CHD9: variants seen among roughly 807,000 people sequenced by gnomAD.
The protein encoded by CHD9 is chromodomain helicase DNA binding protein 9, also known as ATP-dependent chromatin remodeler CHD9.
Under a neutral mutation model 316.1 loss-of-function variants are expected in CHD9, and 77 were observed. The observed-to-expected ratio is 0.24, with a 90% CI of 0.20 to 0.29. CHD9 has a LOEUF of 0.29. Ranked by LOEUF, CHD9 falls within the 10% of genes least tolerant of loss-of-function variation. CHD9 has a pLI of 1.00. For missense variants in CHD9, 2,763 were observed against 3,438.1 expected, an observed-to-expected ratio of 0.80 and a Z score of 4.91; for synonymous variants, 1,129 against 1,158.3, an observed-to-expected ratio of 0.97 and a Z score of 0.51.
intron 1 of CHD9, among the ~76,000 whole-genome samples, chr16:53,105,931 T>C (rs1165821780): frequency 1.3e-5 from 2 of 151,836 alleles, no homozygotes; most frequent in Non-Finnish European, 2.9e-5. Flanking sequence ...CAAGCAATTC[T>C]CCTGCCTTTG....
chr16:53,217,109 A>G (rs1469028269), intron 3 of CHD9, among the ~76,000 whole-genome samples: 1 of 151,940 alleles, frequency 6.6e-6, no homozygotes, highest in Admixed American at 6.6e-5. Flanking sequence ...TTTTGTTGTC[A>G]TATCTCCTTA....
At chr16:53,078,105 T>C (rs575394959) in intron 1 of CHD9, among the ~76,000 whole-genome samples, 4 of 152,122 alleles carry the variant, frequency 2.6e-5, no homozygotes, top group South Asian at 2.1e-4. Context: ...AATATATATA[T>C]ACAATGCATT....
intron 1 of CHD9, among the ~76,000 whole-genome samples, chr16:53,125,079 T>C (rs2038911635): frequency 6.6e-6 from 1 of 152,190 alleles, no homozygotes; most frequent in Admixed American, 6.5e-5. Flanking sequence ...TGAAGAAATG[T>C]CTACTCAGAT....
intron 3 of CHD9, among the ~76,000 whole-genome samples, chr16:53,222,107 C>T (rs1004779493): frequency 1.3e-5 from 2 of 151,664 alleles, no homozygotes; most frequent in East Asian, 3.9e-4. Flanking sequence ...GATGGAGTTT[C>T]GCTCTTGTTG....
intron 1 of CHD9, among the ~76,000 whole-genome samples, chr16:53,086,849 A>C (rs1376803250): frequency 6.6e-6 from 1 of 152,154 alleles, no homozygotes; most frequent in Non-Finnish European, 1.5e-5. Context: ...GTTATTTTGA[A>C]GCAAATCCCA....
chr16:53,204,092 T>G, intron 2 of CHD9, among the ~76,000 whole-genome samples: 1 of 144,248 alleles, frequency 6.9e-6, no homozygotes, highest in Admixed American at 6.8e-5. Flanking sequence ...CACACATTTA[T>G]GTCAAGTAGA....
At chr16:53,098,475 CAAAA>C (rs35249810) in intron 1 of CHD9, among the ~76,000 whole-genome samples, 6 of 105,682 alleles carry the variant, frequency 5.7e-5, no homozygotes, top group East Asian at 3.0e-4. Flanking sequence ...GACTCCGTCT[CAAAA>C]AAAAAAAAAA....
intron 1 of CHD9, among the ~76,000 whole-genome samples, chr16:53,086,806 A>G (rs924461743): frequency 2.0e-5 from 3 of 152,184 alleles, no homozygotes; most frequent in Non-Finnish European, 2.9e-5. Context: ...ATTTTATTGT[A>G]TCTATATCTC....
intron 1 of CHD9, among the ~76,000 whole-genome samples, chr16:53,126,397 T>C (rs1185998277): frequency 1.3e-5 from 2 of 152,228 alleles, no homozygotes; most frequent in East Asian, 3.9e-4. Context: ...TTCTATAGTT[T>C]ATTCCATTAA....
intron 7 of CHD9, 39 bp from the exon 8 acceptor site, chr16:53,228,944 C>A: frequency 1.1e-6 from 1 of 906,308 alleles, no homozygotes; most frequent in Non-Finnish European, 1.7e-6. Context: ...AAATGGTTAT[C>A]TGTGTCATTC....
intron 36 of CHD9, 23 bp from the exon 37 acceptor site, chr16:53,318,189 A>G: frequency 6.3e-7 from 1 of 1,585,094 alleles, no homozygotes; most frequent in Non-Finnish European, 8.6e-7. Context: ...CTTTAAAGAT[A>G]TGTCTTTATC....
At chr16:53,076,864 G>A (rs1028063283) in intron 1 of CHD9, among the ~76,000 whole-genome samples, 15 of 152,182 alleles carry the variant, frequency 9.9e-5, no homozygotes, top group African/African-American at 3.6e-4. Flanking sequence ...TTACAAGCAA[G>A]GTCTCAGTGG....
At chr16:53,195,455 G>A (rs1315208815) in intron 2 of CHD9, among the ~76,000 whole-genome samples, 1 of 152,110 alleles carries the variant, frequency 6.6e-6, no homozygotes, top group Non-Finnish European at 1.5e-5. Flanking sequence ...AGGTGTCTGG[G>A]CACAGCTTAG....
At chr16:53,197,688 G>A (rs1169274595) in intron 2 of CHD9, among the ~76,000 whole-genome samples, 4 of 145,944 alleles carry the variant, frequency 2.7e-5, no homozygotes, top group Non-Finnish European at 4.5e-5. Context: ...ATGGAGTCTC[G>A]CTGTATCACC....
chr16:53,266,875 G>T (rs927140531), intron 20 of CHD9, among the ~76,000 whole-genome samples: 7 of 152,020 alleles, frequency 4.6e-5, no homozygotes, highest in Non-Finnish European at 1.0e-4. Flanking sequence ...TCCATTTCTG[G>T]ATACTTCCCT....
chr16:53,146,437 A>ATATATATAT (rs58622741), intron 1 of CHD9, among the ~76,000 whole-genome samples: 10 of 129,678 alleles, frequency 7.7e-5, no homozygotes, highest in South Asian at 4.7e-4. Context: ...ATATATATAT[A>ATATATATAT]ATTAAAAAGT....
At chr16:53,227,281 C>T in intron 5 of CHD9, 115 bp from the exon 6 acceptor site, 1 of 653,290 alleles carries the variant, frequency 1.5e-6, no homozygotes, top group African/African-American at 1.9e-5. Flanking sequence ...TAGTGTCTAG[C>T]ATATATGCTG....
rs186062611 is a variant in CHD9, at chr16:53,269,945, A to G, written c.4717+1819A>G. Among the ~76,000 whole-genome samples the G allele has an allele frequency of 1.8e-3, 271 of 152,258 alleles. 4 individuals carry two copies. Among genetic ancestry groups the G allele is most frequent in the African/African-American group, 6.1e-3 (255 of 41,554 alleles). On this transcript the variant is annotated intron_variant, in intron 22 of 38. Coordinates refer to ENST00000447540, the MANE Select transcript of CHD9 (RefSeq NM_001308319.2). ...GTAGTGCCAAGATTGAAACCCTGCT[A>G]TAACCTAAAAGAGATTGAAAAGTTA...
At chr16:53,128,364 T>A (rs570532972) in intron 1 of CHD9, among the ~76,000 whole-genome samples, 1 of 152,238 alleles carries the variant, frequency 6.6e-6, no homozygotes, top group South Asian at 2.1e-4. Context: ...GTATTTTTAG[T>A]AGAGGTGAGG....
Sources: allele counts gnomAD v4.1 joint callset (sites outside exome capture counted in the v4.1 genomes callset), GRCh38; gene constraint gnomAD v4.1.1; transcripts MANE v1.5; gene names NCBI Gene and HGNC (gene_info 2026-07-23, HGNC 2026-07-21).